Variants in WSCD2 observed in about 807,000 individuals in gnomAD.
The protein encoded by WSCD2 is sialate:O-sulfotransferase 2.
Under a neutral mutation model 55.7 loss-of-function variants are expected in WSCD2, and 28 were observed. The observed-to-expected ratio is 0.50, with a 90% CI of 0.37 to 0.69. The LOEUF (loss-of-function observed/expected upper bound fraction) is 0.69, where lower values mean the gene tolerates loss of function less well. WSCD2 is among the 30% of genes least tolerant of loss of function. WSCD2 has a pLI of 0.00. For missense variants in WSCD2, 616 were observed against 762.1 expected (o/e 0.81, Z 2.26); for synonymous variants, 301 against 301.9 (o/e 1.00, Z 0.03).
At chr12:108,206,744 A>G (rs144082811) in intron 3 of WSCD2, among the ~76,000 whole-genome samples, 3 of 152,338 alleles carry the variant, frequency 2.0e-5, no homozygotes, top group Non-Finnish European at 4.4e-5. Context: ...GTGGCCGTGT[A>G]TGCAGGAGTC....
chr12:108,235,303 T>C (rs1889167324), intron 7 of WSCD2, among the ~76,000 whole-genome samples: 1 of 152,188 alleles, frequency 6.6e-6, no homozygotes. Context: ...GGACAGTCAT[T>C]TACTTAGTCA....
At chr12:108,219,396 G>A (rs1480795016) in intron 4 of WSCD2, among the ~76,000 whole-genome samples, 2 of 152,148 alleles carry the variant, frequency 1.3e-5, no homozygotes, top group East Asian at 1.9e-4. Flanking sequence ...ACACTGGCAT[G>A]AGCACAGTCA....
intron 3 of WSCD2, 128 bp downstream of exon 3, chr12:108,206,531 A>T (rs933420915): frequency 1.2e-6 from 1 of 847,298 alleles, no homozygotes; most frequent in Non-Finnish European, 1.9e-6. Flanking sequence ...GGAAAGGTTG[A>T]CGCAAGGGTG....
chr12:108,166,774 T>TTTC (rs1406527295), intron 1 of WSCD2, among the ~76,000 whole-genome samples: 4 of 148,790 alleles, frequency 2.7e-5, no homozygotes, highest in Non-Finnish European at 4.5e-5. Flanking sequence ...TCTTTCTTTC[T>TTTC]TTCTTTCTTT....
At chr12:108,213,643 C>A (rs1157945833) in intron 4 of WSCD2, among the ~76,000 whole-genome samples, 7 of 152,096 alleles carry the variant, frequency 4.6e-5, no homozygotes, top group African/African-American at 1.7e-4. Flanking sequence ...AGACTCAAGA[C>A]AAATCACCAA....
chr12:108,156,664 T>C (rs1269339663), intron 1 of WSCD2, among the ~76,000 whole-genome samples: 1 of 152,170 alleles, frequency 6.6e-6, no homozygotes, highest in Non-Finnish European at 1.5e-5. Flanking sequence ...CAAATACAGG[T>C]GTACCAGAAA....
intron 1 of WSCD2, among the ~76,000 whole-genome samples, chr12:108,173,736 GCACA>G (rs1425964415): frequency 6.6e-6 from 1 of 151,376 alleles, no homozygotes; most frequent in East Asian, 2.0e-4. Context: ...TCACTGGTCT[GCACA>G]CACAGTCGGC....
At chr12:108,203,570 G>T (rs1296388575) in intron 2 of WSCD2, among the ~76,000 whole-genome samples, 1 of 152,156 alleles carries the variant, frequency 6.6e-6, no homozygotes, top group African/African-American at 2.4e-5. Context: ...TCTGCTGATG[G>T]AAAAACCTAT....
chr12:108,165,974 C>A (rs1016490177), intron 1 of WSCD2, among the ~76,000 whole-genome samples: 1 of 152,136 alleles, frequency 6.6e-6, no homozygotes, highest in African/African-American at 2.4e-5. Flanking sequence ...TCTATTAGCA[C>A]CAAACTGAGA....
chr12:108,205,995 C>T (rs116586408), intron 2 of WSCD2, among the ~76,000 whole-genome samples: 356 of 152,266 alleles, frequency 2.3e-3, no homozygotes, highest in African/African-American at 8.0e-3. Flanking sequence ...CTGTTTGGTG[C>T]TTAGGGAGTG....
At chr12:108,182,216 G>A (rs1438412713) in intron 1 of WSCD2, among the ~76,000 whole-genome samples, 3 of 152,128 alleles carry the variant, frequency 2.0e-5, no homozygotes, top group Admixed American at 6.5e-5. Flanking sequence ...TCTGCCAAAA[G>A]GGAGATTCTT....
chr12:108,176,590 A>G (rs531012640), intron 1 of WSCD2, among the ~76,000 whole-genome samples: 3 of 152,252 alleles, frequency 2.0e-5, no homozygotes, highest in South Asian at 4.1e-4. Flanking sequence ...GGCAATTACA[A>G]ATAAAGTTGC....
chr12:108,153,964 A>G (rs376722621), intron 1 of WSCD2, among the ~76,000 whole-genome samples: 151 of 152,164 alleles, frequency 9.9e-4, no homozygotes, highest in African/African-American at 3.3e-3. Flanking sequence ...GCTTGCCTTG[A>G]TGCTGCTGGA....
At chr12:108,130,753 G>A (rs977809852) in intron 1 of WSCD2, among the ~76,000 whole-genome samples, 8 of 152,068 alleles carry the variant, frequency 5.3e-5, no homozygotes, top group African/African-American at 1.9e-4. Flanking sequence ...ATTCCTATTG[G>A]AGCCTGGGGA....
At chr12:108,141,753 G>A (rs1876839796) in intron 1 of WSCD2, among the ~76,000 whole-genome samples, 1 of 152,162 alleles carries the variant, frequency 6.6e-6, no homozygotes, top group Non-Finnish European at 1.5e-5. Flanking sequence ...CCTGCTTTTG[G>A]GGTCGGGGAG....
At chr12:108,145,114 T>A (rs1050346681) in intron 1 of WSCD2, among the ~76,000 whole-genome samples, 4 of 152,204 alleles carry the variant, frequency 2.6e-5, no homozygotes, top group African/African-American at 9.7e-5. Flanking sequence ...TCTCTGGGCC[T>A]TTGTTTCCCC....
intron 1 of WSCD2, among the ~76,000 whole-genome samples, chr12:108,135,066 A>G (rs915658870): frequency 1.3e-5 from 2 of 152,210 alleles, no homozygotes; most frequent in Non-Finnish European, 2.9e-5. Flanking sequence ...GAAGTGAATC[A>G]TGTCACAGAA....
chr12:108,184,599 G>A (rs1882221176), intron 1 of WSCD2, among the ~76,000 whole-genome samples: 1 of 152,138 alleles, frequency 6.6e-6, no homozygotes, highest in African/African-American at 2.4e-5. Context: ...GCTCAGCCCT[G>A]GCCTGGCTGT....
intron 4 of WSCD2, among the ~76,000 whole-genome samples, chr12:108,222,622 A>G (rs1030251682): frequency 6.6e-6 from 1 of 152,246 alleles, no homozygotes; most frequent in African/African-American, 2.4e-5. Context: ...TTTTAAATGT[A>G]TATCACCAGC....
Sources: allele counts gnomAD v4.1 joint callset (sites outside exome capture counted in the v4.1 genomes callset), GRCh38; gene constraint gnomAD v4.1.1; transcripts MANE v1.5; gene names NCBI Gene and HGNC (gene_info 2026-07-23, HGNC 2026-07-21).